Variants in RAB38 observed in about 807,000 individuals in gnomAD.
The protein encoded by RAB38 is RAB38, member RAS oncogene family.
A neutral mutation model predicts 18.4 loss-of-function variants in RAB38; 15 were observed. That is an observed-to-expected ratio of 0.82 (90% CI 0.55 to 1.26). The LOEUF is 1.26. Among genes scored for constraint, RAB38 ranks in the 50% most tolerant of loss-of-function variants. The probability of loss-of-function intolerance (pLI) is 0.00; values close to 1 mark genes in which losing one functional copy is unlikely to be tolerated. For synonymous variants in RAB38, 101 were observed against 104.4 expected, an observed-to-expected ratio of 0.97 and a Z score of 0.20; for missense variants, 294 against 267.4, an observed-to-expected ratio of 1.10 and a Z score of -0.69.
At chr11:87,932,134 G>A in the RAB38 span, among the ~76,000 whole-genome samples, 1 of 152,036 alleles carries the variant, frequency 6.6e-6, no homozygotes, top group African/African-American at 2.4e-5. Context: ...ATTCAAGGGG[G>A]GCAAGGGGAG....
the RAB38 span, among the ~76,000 whole-genome samples, chr11:87,940,612 G>A: frequency 6.6e-6 from 1 of 151,738 alleles, no homozygotes; most frequent in Non-Finnish European, 1.5e-5. Context: ...CTATATATAT[G>A]TGTGTGTGTA....
chr11:88,131,944 T>C (rs1942771596), intron 2 of RAB38, among the ~76,000 whole-genome samples: 1 of 152,178 alleles, frequency 6.6e-6, no homozygotes. Flanking sequence ...CTCTAGGAGC[T>C]GACAGCAACC....
intron 2 of RAB38, among the ~76,000 whole-genome samples, chr11:88,139,314 C>A (rs993930688): frequency 6.6e-6 from 1 of 152,174 alleles, no homozygotes; most frequent in Non-Finnish European, 1.5e-5. Context: ...TGCTTCCCTT[C>A]AGTCTTCCTT....
At chr11:88,104,192 G>T in the RAB38 span, among the ~76,000 whole-genome samples, 1 of 152,078 alleles carries the variant, frequency 6.6e-6, no homozygotes, top group South Asian at 2.1e-4. Flanking sequence ...CCATAGAAGT[G>T]GCGGCTTTTC....
the RAB38 span, among the ~76,000 whole-genome samples, chr11:87,891,291 A>G: frequency 2.6e-5 from 4 of 151,834 alleles, no homozygotes; most frequent in Non-Finnish European, 4.4e-5. Context: ...GGAACTTTAC[A>G]ATCTTCTGCT....
chr11:88,104,294 T>C, the RAB38 span, among the ~76,000 whole-genome samples: 1 of 118,334 alleles, frequency 8.5e-6, no homozygotes, highest in Non-Finnish European at 1.7e-5. Context: ...TTACGTTAAA[T>C]GTCCCTTATT....
the RAB38 span, chr11:88,061,548 C>T: frequency 6.6e-6 from 1 of 152,076 alleles, no homozygotes; most frequent in Non-Finnish European, 1.5e-5. Context: ...CAAAAATAGA[C>T]AACTGATTCT....
At chr11:88,151,890 A>G (rs375336068) in intron 1 of RAB38, among the ~76,000 whole-genome samples, 1 of 152,138 alleles carries the variant, frequency 6.6e-6, no homozygotes, top group Non-Finnish European at 1.5e-5. Context: ...AAAAAAGAGT[A>G]TTTTGTCACA....
the RAB38 span, among the ~76,000 whole-genome samples, chr11:88,087,789 G>A: frequency 2.6e-5 from 4 of 151,938 alleles, no homozygotes; most frequent in Admixed American, 6.6e-5. Context: ...AGTGAACAAT[G>A]AGAGTACCTA....
At chr11:87,879,379 G>A in the RAB38 span, 35 of 151,530 alleles carry the variant, frequency 2.3e-4, no homozygotes, top group African/African-American at 7.5e-4. Flanking sequence ...GGGCATGGGG[G>A]TGGGGAGAGT....
At chr11:87,913,716 G>A in the RAB38 span, among the ~76,000 whole-genome samples, 1 of 152,114 alleles carries the variant, frequency 6.6e-6, no homozygotes, top group African/African-American at 2.4e-5. Context: ...ATTCATTCTT[G>A]TGGGACTGAC....
chr11:87,864,679 A>G, the RAB38 span, among the ~76,000 whole-genome samples: 1 of 151,818 alleles, frequency 6.6e-6, no homozygotes, highest in Non-Finnish European at 1.5e-5. Flanking sequence ...GTGTCAGACT[A>G]GAATATGATA....
the RAB38 span, among the ~76,000 whole-genome samples, chr11:87,963,350 T>C: frequency 1.3e-5 from 2 of 152,172 alleles, no homozygotes; most frequent in African/African-American, 2.4e-5. Context: ...TAAGAATCAG[T>C]TGTGAGTAAG....
chr11:87,871,468 C>T, the RAB38 span, among the ~76,000 whole-genome samples: 2 of 151,630 alleles, frequency 1.3e-5, no homozygotes, highest in East Asian at 2.0e-4. Flanking sequence ...TACACATGCA[C>T]ACAGTCATAT....
the RAB38 span, among the ~76,000 whole-genome samples, chr11:87,950,928 G>A: frequency 6.6e-6 from 1 of 152,070 alleles, no homozygotes; most frequent in Non-Finnish European, 1.5e-5. Flanking sequence ...TCTGAATGTT[G>A]GCCTGCCTTG....
At chr11:87,831,368 AT>A in the RAB38 span, among the ~76,000 whole-genome samples, 1 of 152,260 alleles carries the variant, frequency 6.6e-6, no homozygotes, top group East Asian at 1.9e-4. Context: ...AGAGGCATGC[AT>A]TTTAGGGTTG....
chr11:88,107,668 ATTTG>A, the RAB38 span, among the ~76,000 whole-genome samples: 1 of 151,662 alleles, frequency 6.6e-6, no homozygotes, highest in Non-Finnish European at 1.5e-5. Context: ...TAGCTTTTGA[ATTTG>A]TTTGTTGCTG....
the RAB38 span, among the ~76,000 whole-genome samples, chr11:87,856,493 A>T: frequency 5.3e-5 from 8 of 152,222 alleles, no homozygotes; most frequent in Admixed American, 5.2e-4. Flanking sequence ...TGCAGCAACC[A>T]ACCCTACTTA....
chr11:88,034,258 T>G, the RAB38 span, among the ~76,000 whole-genome samples: 1 of 152,248 alleles, frequency 6.6e-6, no homozygotes, highest in Non-Finnish European at 1.5e-5. Context: ...CATTTGCCCA[T>G]TGACAATTTG....
Sources: gnomAD v4.1 joint callset for allele counts (sites outside exome capture counted in the v4.1 genomes callset) on GRCh38, gnomAD v4.1.1 for gene constraint, MANE v1.5 for transcripts, NCBI Gene and HGNC (gene_info 2026-07-23, HGNC 2026-07-21) for gene names.